SLC25A18: variants seen among roughly 807,000 people sequenced by gnomAD.
SLC25A18 encodes mitochondrial glutamate carrier 2.
SLC25A18 carries 24 observed loss-of-function variants against 31.1 expected under a neutral mutation model. That is an observed-to-expected ratio of 0.77 (90% CI 0.56 to 1.08). The LOEUF (loss-of-function observed/expected upper bound fraction) is 1.08. SLC25A18 is among the 50% of genes least tolerant of loss of function. The pLI is 0.00. For missense variants in SLC25A18, 371 were observed against 418.5 expected, an observed-to-expected ratio of 0.89 and a Z score of 0.99; for synonymous variants, 173 against 161.9, an observed-to-expected ratio of 1.07 and a Z score of -0.52.
chr22:17,581,230 C>G, intron 4 of SLC25A18, 71 bp downstream of exon 4: 1 of 1,570,602 alleles, frequency 6.4e-7, no homozygotes, highest in Non-Finnish European at 8.6e-7. Flanking sequence ...TCCCTCCAGT[C>G]TCCAGGCAGC....
intron 6 of SLC25A18, among the ~76,000 whole-genome samples, chr22:17,583,062 G>A (rs146175671): frequency 5.5e-4 from 84 of 152,226 alleles, no homozygotes; most frequent in African/African-American, 1.8e-3. Context: ...GTCACAGAGC[G>A]AGACCTCGTC....
Position 17,574,830 on chromosome 22 carries a change from T to TTTATTATTATTA in SLC25A18, c.-201+4856_-201+4867dup, listed in dbSNP as rs139929656. Among the ~76,000 whole-genome samples, 250 of 137,862 alleles carry TTTATTATTATTA rather than the reference T, an allele frequency of 1.8e-3. 3 individuals are homozygous for TTTATTATTATTA. Among genetic ancestry groups the TTTATTATTATTA allele is most frequent in the African/African-American group, 5.6e-3 (194 of 34,906 alleles). 90.4% of individuals were successfully genotyped at this position (137,862 alleles called of 152,430 possible). A position where few individuals can be genotyped will look rare whatever the true frequency, so the allele number is the denominator to read the frequency against. Reference sequence around the variant, plus strand: ...GCCACTGTGCCTGGCCAATGTTCCCTTTATTATTATTATTATTATTATTTA... The same window carrying TTTATTATTATTA: ...GCCACTGTGCCTGGCCAATGTTCCCTTTATTATTATTATTATTATTATTATTATTATTATTTA... On this transcript the variant is annotated intron_variant, in intron 2 of 10. Transcript: ENST00000327451.
intron 1 of SLC25A18, among the ~76,000 whole-genome samples, chr22:17,567,662 G>T: frequency 6.9e-6 from 1 of 144,944 alleles, no homozygotes; most frequent in African/African-American, 2.6e-5. Flanking sequence ...CTCTATCCTT[G>T]CTTTTATAAT....
chr22:17,569,502 A>G, intron 1 of SLC25A18: 1 of 574,378 alleles, frequency 1.7e-6, no homozygotes, highest in Non-Finnish European at 2.2e-6. Flanking sequence ...AGAAAAGTGC[A>G]TGAGACTGAG....
rs764707549 is a variant in SLC25A18, at chr22:17,589,584, A to G, written c.731-6A>G. On this transcript the variant is annotated splice_polypyrimidine_tract_variant and splice_region_variant and intron_variant, in intron 9 of 10. Transcript: ENST00000327451. ...CACTACTTACTTTAACTTTTACTTG[A>G]TTTAGTTCTGAAAACTCGAATCCAA... 8.7e-6 allele frequency: 14 copies of G among 1,613,724 alleles called. No individual in the cohort carries two copies. Among genetic ancestry groups the G allele is most frequent in the African/African-American group, 1.3e-5 (1 of 74,896 alleles).
In SLC25A18 at chr22:17,582,597, G is replaced by A. The variant is rs1269755535; in HGVS notation, c.234G>A (p.Glu78=). The A allele has an allele frequency of 2.4e-5, 38 of 1,604,730 alleles. No homozygotes were observed. The highest frequency in any genetic ancestry group is 3.1e-5 in the Non-Finnish European group (37 of 1,175,204). ...AAVNLTLVTP[E]KAIKLAANDF... ...TGAACCTCACTCTGGTCACTCCAGA[G>A]AAGGCCATCAAGCTGGCGGCCAACG... Residue 78 remains glutamate, a synonymous_variant, in exon 6 of 11, where the codon GAG becomes GAA. Transcript: ENST00000327451.
At chr22:17,578,229 C>G (rs1476575055) in intron 2 of SLC25A18, among the ~76,000 whole-genome samples, 1 of 152,210 alleles carries the variant, frequency 6.6e-6, no homozygotes, top group Non-Finnish European at 1.5e-5. Flanking sequence ...CCTCAGCCTC[C>G]CAAAGTGTTG....
At chr22:17,576,371 A>G (rs2057230115) in intron 2 of SLC25A18, among the ~76,000 whole-genome samples, 1 of 152,118 alleles carries the variant, frequency 6.6e-6, no homozygotes. Flanking sequence ...AAAAGAAAAA[A>G]AAAAGAAGTC....
At chr22:17,567,320 G>A (rs374723370) in intron 1 of SLC25A18, among the ~76,000 whole-genome samples, 1 of 152,154 alleles carries the variant, frequency 6.6e-6, no homozygotes, top group African/African-American at 2.4e-5. Flanking sequence ...CAGCTAGTAA[G>A]CAGTAAACTA....
intron 1 of SLC25A18, among the ~76,000 whole-genome samples, chr22:17,565,172 C>G (rs970907813): frequency 1.3e-5 from 2 of 152,112 alleles, no homozygotes; most frequent in African/African-American, 4.8e-5. Flanking sequence ...CTCCGCCCCC[C>G]CGGGTTCACG....
In SLC25A18 at chr22:17,582,639, G is replaced by A; in HGVS notation, c.276G>A (p.Leu92=). 2 of 1,602,810 alleles carry A rather than the reference G, an allele frequency of 1.2e-6. No individual in the cohort carries two copies. The highest frequency in any genetic ancestry group is 1.7e-6 in the Non-Finnish European group (2 of 1,174,164). ...CGGCCAACGACTTTTTCCGGCGGCT[G>A]CTCATGGAAGATGGGTATGGCCAGG... ...KLAANDFFRR[L]LMEDGMQRNL... The change falls in exon 6 of 11, where the codon CTG becomes CTA. Residue 92 remains leucine, a synonymous_variant. Coordinates refer to ENST00000327451, the MANE Select transcript of SLC25A18 (RefSeq NM_031481.3).
At chr22:17,565,332 C>T (rs1313369432) in intron 1 of SLC25A18, among the ~76,000 whole-genome samples, 8 of 152,094 alleles carry the variant, frequency 5.3e-5, no homozygotes, top group Non-Finnish European at 1.0e-4. Flanking sequence ...CCACCCACCT[C>T]GGGCTCCCAA....
Position 17,589,985 on chromosome 22 carries a change from G to T in SLC25A18, c.807-110G>T. On this transcript the variant is annotated intron_variant, in intron 10 of 10. Coordinates refer to ENST00000327451, the MANE Select transcript of SLC25A18 (RefSeq NM_031481.3). Reference sequence around the variant, plus strand: ...ACACCGTTGGCCTCTTGCTCTTGTTGTGGAAGGCACTATTCTAAAATGAGA... The same window carrying T: ...ACACCGTTGGCCTCTTGCTCTTGTTTTGGAAGGCACTATTCTAAAATGAGA... 4.8e-6 allele frequency: 7 copies of T among 1,457,438 alleles called. No homozygotes were observed. In the South Asian group the frequency reaches 8.8e-5, roughly 18 times the overall value. The allele number at this position is 1,457,438 out of a possible 1,614,324, so 90.3% of individuals were successfully genotyped here. A position where few individuals can be genotyped will look rare whatever the true frequency, so the allele number is the denominator to read the frequency against.
At position 17,579,917 on chromosome 22, in the gene SLC25A18, G is replaced by T; in HGVS notation, c.-28G>T. The T allele has an allele frequency of 6.2e-7, 1 of 1,606,884 alleles. No individual in the cohort carries two copies. Among genetic ancestry groups the T allele is most frequent in the Non-Finnish European group, 8.5e-7 (1 of 1,177,306 alleles). ...GCTACCCCAAGGAGCCAGCAGCCTT[G>T]TGTCCTGGGATCCCCAGCCCCTGCA... On this transcript the variant is annotated 5_prime_UTR_variant, in exon 3 of 11. Coordinates refer to ENST00000327451, the MANE Select transcript of SLC25A18 (RefSeq NM_031481.3).
chr22:17,582,263 C>G (rs2057399318), intron 5 of SLC25A18: 2 of 200,646 alleles, frequency 1.0e-5, no homozygotes, highest in African/African-American at 4.6e-5. Context: ...GTAGTCCCAG[C>G]TACTAGGGAG....
chr22:17,590,074 C>T, intron 10 of SLC25A18, 21 bp from the exon 11 acceptor site: 1 of 1,613,438 alleles, frequency 6.2e-7, no homozygotes, highest in Non-Finnish European at 8.5e-7. Context: ...CATCAGCTCA[C>T]TGGCTCTTCT....
chr22:17,584,420 AAAG>A (rs1442400159), intron 7 of SLC25A18, among the ~76,000 whole-genome samples: 3 of 134,458 alleles, frequency 2.2e-5, no homozygotes, highest in Admixed American at 1.5e-4. Flanking sequence ...AGAAAGAAAG[AAAG>A]AAGGAAGGAA....
intron 1 of SLC25A18, among the ~76,000 whole-genome samples, chr22:17,565,220 A>C (rs973779666): frequency 6.6e-6 from 1 of 151,956 alleles, no homozygotes; most frequent in Admixed American, 6.6e-5. Flanking sequence ...AGCTGGGACT[A>C]CAGGTGCCTG....
Position 17,587,836 on chromosome 22 carries a change from C to T in SLC25A18, c.576-89C>T, listed in dbSNP as rs375827005. 8.5e-5 allele frequency: 131 copies of T among 1,545,326 alleles called. 1 individual carries two copies. The East Asian group carries it at 2.3e-3, about 27-fold the overall frequency. On this transcript the variant is annotated intron_variant, in intron 8 of 10. Coordinates refer to ENST00000327451, the MANE Select transcript of SLC25A18 (RefSeq NM_031481.3). ...CCCGTGGCTCCTCTCACTGTAAGCC[C>T]CACAGCTCACAGCAAAGCTCATTGT...
Sources: allele counts gnomAD v4.1 joint callset (sites outside exome capture counted in the v4.1 genomes callset), GRCh38; gene constraint gnomAD v4.1.1; transcripts MANE v1.5; gene names NCBI Gene and HGNC (gene_info 2026-07-23, HGNC 2026-07-21).